Variants in CTNND2 observed in about 807,000 individuals in gnomAD.
The protein encoded by CTNND2 is catenin delta 2, also known as catenin delta-2.
CTNND2 carries 22 observed loss-of-function variants against 144.4 expected under a neutral mutation model. The ratio of observed to expected loss-of-function variants is 0.15; its 90% confidence interval spans 0.11 to 0.22. The LOEUF (loss-of-function observed/expected upper bound fraction) is 0.22. CTNND2 is among the 10% of genes least tolerant of loss of function. The pLI is 1.00. For missense variants in CTNND2, 1,353 were observed against 1,618.8 expected (o/e 0.84, Z 2.82); for synonymous variants, 751 against 695.6 (o/e 1.08, Z -1.25).
chr5:11,477,379 C>A (rs1310089241), intron 3 of CTNND2, among the ~76,000 whole-genome samples: 1 of 100,566 alleles, frequency 9.9e-6, no homozygotes, highest in Non-Finnish European at 2.0e-5. Context: ...TACACATCAC[C>A]TATTTTTTTT....
At chr5:11,721,812 C>A (rs939504218) in intron 2 of CTNND2, among the ~76,000 whole-genome samples, 3 of 152,212 alleles carry the variant, frequency 2.0e-5, no homozygotes, top group Admixed American at 2.0e-4. Flanking sequence ...GGCAGGAGGT[C>A]TACTTCCCTG....
chr5:11,114,060 A>G (rs984032062), intron 13 of CTNND2, among the ~76,000 whole-genome samples: 2 of 152,122 alleles, frequency 1.3e-5, no homozygotes, highest in Admixed American at 6.6e-5. Context: ...CAAAAAGTGG[A>G]CTGGCACGAA....
intron 12 of CTNND2, among the ~76,000 whole-genome samples, chr5:11,138,187 C>G (rs534309915): frequency 3.9e-5 from 6 of 152,180 alleles, no homozygotes; most frequent in Non-Finnish European, 7.3e-5. Context: ...TCCTCAAAGC[C>G]AGCCGTGATC....
At chr5:11,831,394 C>A (rs144115996) in intron 1 of CTNND2, among the ~76,000 whole-genome samples, 1 of 152,016 alleles carries the variant, frequency 6.6e-6, no homozygotes, top group Non-Finnish European at 1.5e-5. Context: ...AGTTGCCAGG[C>A]GTGGTGGCTC....
chr5:11,138,403 T>C (rs1561368435), intron 12 of CTNND2, among the ~76,000 whole-genome samples: 1 of 152,204 alleles, frequency 6.6e-6, no homozygotes, highest in Non-Finnish European at 1.5e-5. Flanking sequence ...TGGGGGCCAC[T>C]ATTCTGTCAA....
chr5:11,100,816 G>A (rs1257214032), intron 14 of CTNND2, among the ~76,000 whole-genome samples: 1 of 152,194 alleles, frequency 6.6e-6, no homozygotes, highest in Non-Finnish European at 1.5e-5. Context: ...AAGAGGTACA[G>A]AGAAGTAATA....
chr5:11,311,173 C>A (rs1440717189), intron 9 of CTNND2, among the ~76,000 whole-genome samples: 3 of 137,630 alleles, frequency 2.2e-5, no homozygotes, highest in Non-Finnish European at 4.7e-5. Context: ...ACCTCACAGG[C>A]ACACTCTCAC....
intron 1 of CTNND2, among the ~76,000 whole-genome samples, chr5:11,744,686 TGTGTGTGTGC>T (rs1450325997): frequency 0.014 from 81 of 5,600 alleles, no homozygotes; most frequent in Admixed American, 0.039. Flanking sequence ...TGTGTGTGTT[TGTGTGTGTGC>T]GTGTGTGTGT....
chr5:11,589,181 G>A (rs1489585860), intron 2 of CTNND2, among the ~76,000 whole-genome samples: 1 of 151,792 alleles, frequency 6.6e-6, no homozygotes, highest in Non-Finnish European at 1.5e-5. Context: ...ATCACAAAAG[G>A]ACCCTCCCAC....
chr5:11,802,535 C>T (rs532218266), intron 1 of CTNND2, among the ~76,000 whole-genome samples: 1 of 151,924 alleles, frequency 6.6e-6, no homozygotes, highest in African/African-American at 2.4e-5. Flanking sequence ...CCATTGCACT[C>T]CAGTCTGGGC....
At chr5:11,496,160 T>G (rs1326446919) in intron 3 of CTNND2, among the ~76,000 whole-genome samples, 2 of 152,184 alleles carry the variant, frequency 1.3e-5, no homozygotes, top group African/African-American at 2.4e-5. Flanking sequence ...CCATGAATAC[T>G]CTGCCAAGGG....
At chr5:11,610,565 A>C (rs1019832869) in intron 2 of CTNND2, among the ~76,000 whole-genome samples, 4 of 152,188 alleles carry the variant, frequency 2.6e-5, no homozygotes, top group African/African-American at 9.6e-5. Flanking sequence ...CCCACCGTCC[A>C]ATAAGACACT....
chr5:11,902,196 G>A (rs1737955410), intron 1 of CTNND2, among the ~76,000 whole-genome samples: 1 of 152,198 alleles, frequency 6.6e-6, no homozygotes. Flanking sequence ...CCACAGATCA[G>A]TAATGATGCC....
chr5:11,257,617 C>T (rs1561106279), intron 9 of CTNND2, among the ~76,000 whole-genome samples: 1 of 152,102 alleles, frequency 6.6e-6, no homozygotes. Flanking sequence ...GGAGAAACCA[C>T]CCTTATGATT....
intron 13 of CTNND2, among the ~76,000 whole-genome samples, chr5:11,112,081 C>A (rs1363415743): frequency 6.6e-6 from 1 of 152,188 alleles, no homozygotes; most frequent in African/African-American, 2.4e-5. Context: ...GATCTCCTGA[C>A]TTTGTGATCC....
At chr5:11,852,287 T>A (rs1795053038) in intron 1 of CTNND2, among the ~76,000 whole-genome samples, 1 of 151,888 alleles carries the variant, frequency 6.6e-6, no homozygotes, top group African/African-American at 2.4e-5. Context: ...GAGATTTTTT[T>A]AAGTGCGTTC....
At chr5:11,023,070 G>C in intron 16 of CTNND2, 91 bp from the exon 17 acceptor site, 9 of 1,136,136 alleles carry the variant, frequency 7.9e-6, no homozygotes, top group Non-Finnish European at 1.2e-5. Context: ...AAGAGAATAC[G>C]AGAGGCCACG....
intron 2 of CTNND2, among the ~76,000 whole-genome samples, chr5:11,644,408 C>T (rs1425088070): frequency 6.6e-6 from 1 of 152,128 alleles, no homozygotes; most frequent in Admixed American, 6.5e-5. Flanking sequence ...GGTGCAGTGG[C>T]TCACACCTGT....
chr5:11,553,160 CTCT>C (rs1775916000), intron 3 of CTNND2, among the ~76,000 whole-genome samples: 1 of 152,190 alleles, frequency 6.6e-6, no homozygotes, highest in South Asian at 2.1e-4. Context: ...TGCACTATCA[CTCT>C]TCTTTTTACT....
Sources: allele counts gnomAD v4.1 joint callset (sites outside exome capture counted in the v4.1 genomes callset), GRCh38; gene constraint gnomAD v4.1.1; transcripts MANE v1.5; gene names NCBI Gene and HGNC (gene_info 2026-07-23, HGNC 2026-07-21).